Variants in RIC8B observed in about 807,000 individuals in gnomAD.
RIC8B encodes the protein RIC8 guanine nucleotide exchange factor B.
Under a neutral mutation model 57.5 loss-of-function variants are expected in RIC8B, and 16 were observed. The ratio of observed to expected loss-of-function variants is 0.28; its 90% CI spans 0.19 to 0.42. The LOEUF (loss-of-function observed/expected upper bound fraction) is 0.42. Ranked by LOEUF, RIC8B falls within the 10% of genes least tolerant of loss-of-function variation. The pLI, the probability that RIC8B is intolerant of heterozygous loss-of-function variation, is 1.00. For synonymous variants in RIC8B, 216 were observed against 250.8 expected, an observed-to-expected ratio of 0.86 and a Z score of 1.31; for missense variants, 481 against 677.0, an observed-to-expected ratio of 0.71 and a Z score of 3.21.
intron 4 of RIC8B, among the ~76,000 whole-genome samples, chr12:106,841,864 A>G (rs1948963753): frequency 6.6e-6 from 1 of 152,172 alleles, no homozygotes; most frequent in African/African-American, 2.4e-5. Context: ...CAACAGAACA[A>G]GGTTTTTAGG....
intron 6 of RIC8B, among the ~76,000 whole-genome samples, chr12:106,848,595 G>A (rs1949313414): frequency 1.3e-5 from 2 of 152,180 alleles, no homozygotes; most frequent in African/African-American, 4.8e-5. Context: ...TGGATTGTGG[G>A]TATATTTCAG....
intron 6 of RIC8B, among the ~76,000 whole-genome samples, chr12:106,850,849 G>C (rs1949440288): frequency 1.3e-5 from 2 of 152,050 alleles, no homozygotes; most frequent in Admixed American, 6.6e-5. Flanking sequence ...GCAACTTTTT[G>C]AGCACCAACA....
chr12:106,853,453 CTTTTTTTTTTTTTT>C (rs758876525), intron 7 of RIC8B, among the ~76,000 whole-genome samples: 19 of 38,038 alleles, frequency 5.0e-4, no homozygotes, highest in East Asian at 2.4e-3. Context: ...GCTTTATAGT[CTTTTTTTTTTTTTT>C]TTTTTTTTTT....
intron 8 of RIC8B, chr12:106,868,478 A>G (rs1950232487): frequency 2.9e-6 from 1 of 345,864 alleles, no homozygotes; most frequent in Non-Finnish European, 5.8e-6. Context: ...TGTTTTTCTA[A>G]TTTAACAGGT....
chr12:106,842,781 T>C lies in RIC8B; in HGVS notation c.1029T>C (p.His343=), dbSNP rs1566121203. The C allele has an allele frequency of 1.2e-6, 2 of 1,612,560 alleles. No individual in the cohort carries two copies. The highest frequency in any genetic ancestry group is 1.7e-6 in the Non-Finnish European group (2 of 1,178,646). Reference sequence around the variant, plus strand: ...ATGGTATGAATATGGAGGCCATTCATGTTTTACTGAATTTTATGGAGAAGA... The same window carrying C: ...ATGGTATGAATATGGAGGCCATTCACGTTTTACTGAATTTTATGGAGAAGA... ...VYNGMNMEAI[H]VLLNFMEKRI... The change falls in exon 5 of 10, where the codon CAT becomes CAC. Residue 343 remains histidine, a synonymous_variant. Transcript: ENST00000392837.
intron 2 of RIC8B, among the ~76,000 whole-genome samples, chr12:106,805,484 G>A (rs1170541559): frequency 6.6e-6 from 1 of 152,044 alleles, no homozygotes; most frequent in Non-Finnish European, 1.5e-5. Context: ...GTGACAGAGT[G>A]AGACCCTGTC....
chr12:106,845,975 C>T (rs886661751), intron 6 of RIC8B, among the ~76,000 whole-genome samples: 2 of 152,114 alleles, frequency 1.3e-5, no homozygotes, highest in African/African-American at 4.8e-5. Context: ...AATAGAGAAC[C>T]TCTTTGTTGA....
intron 2 of RIC8B, among the ~76,000 whole-genome samples, chr12:106,796,340 C>G (rs921513020): frequency 6.6e-6 from 1 of 152,076 alleles, no homozygotes; most frequent in Non-Finnish European, 1.5e-5. Context: ...GAGTTCGAGA[C>G]CAGCCTGGGC....
chr12:106,787,723 G>A (rs1297775692), intron 2 of RIC8B, among the ~76,000 whole-genome samples: 2 of 152,036 alleles, frequency 1.3e-5, no homozygotes, highest in African/African-American at 2.4e-5. Flanking sequence ...TCACTACCAC[G>A]AGAACAGTAT....
chr12:106,775,184 T>TA lies in RIC8B; in HGVS notation c.84+360dup, dbSNP rs577702780. ...GAGAGGCTTCCTCACCTGTATAGCATAAAAATACGTGCTTCCCTGCATAAA... is the reference window on the plus strand; with the variant it reads ...GAGAGGCTTCCTCACCTGTATAGCATAAAAAATACGTGCTTCCCTGCATAAA... On this transcript the variant is annotated intron_variant, in intron 1 of 9. Transcript: ENST00000392837. 1.6e-3 allele frequency: 678 copies of TA among 414,424 alleles called. 4 individuals are homozygous for TA. The highest frequency in any genetic ancestry group is 1.3e-3 in the Non-Finnish European group (285 of 211,996). The allele number at this position is 414,424 out of a possible 1,614,324, so 25.7% of individuals were successfully genotyped here.
intron 3 of RIC8B, among the ~76,000 whole-genome samples, chr12:106,820,867 T>C (rs2045808678): frequency 6.6e-6 from 1 of 152,194 alleles, no homozygotes; most frequent in Non-Finnish European, 1.5e-5. Flanking sequence ...TTCCTGAGTT[T>C]TTTTCTCCAT....
At chr12:106,787,780 C>T (rs891374125) in intron 2 of RIC8B, among the ~76,000 whole-genome samples, 1 of 152,162 alleles carries the variant, frequency 6.6e-6, no homozygotes, top group African/African-American at 2.4e-5. Context: ...CATGCTCCTC[C>T]CACAGTGCGT....
At chr12:106,780,682 A>G (rs967825986) in intron 1 of RIC8B, among the ~76,000 whole-genome samples, 3 of 152,208 alleles carry the variant, frequency 2.0e-5, no homozygotes, top group African/African-American at 7.2e-5. Context: ...TTTTAGTTGT[A>G]GAAGCAATCT....
chr12:106,837,644 T>TTG lies in RIC8B; in HGVS notation c.837-4944_837-4943insGT. On this transcript the variant is annotated intron_variant, in intron 4 of 9. Transcript: ENST00000392837. ...TTTACATCTGAAAATCTTTTGTTTT[T>TTG]TTTTTTTTTTTTTTTGACAGAGAGT... Among the ~76,000 whole-genome samples the TTG allele has an allele frequency of 2.7e-5, 4 of 147,522 alleles. No homozygotes were observed. In the South Asian group the frequency reaches 8.8e-4, roughly 32 times the overall value.
At position 106,851,543 on chromosome 12, in the gene RIC8B, G is replaced by C; in HGVS notation, c.1255G>C (p.Gly419Arg). 1 of 1,613,256 alleles carries C rather than the reference G, an allele frequency of 6.2e-7. No homozygotes were observed. Among genetic ancestry groups the C allele is most frequent in the Non-Finnish European group, 8.5e-7 (1 of 1,179,872 alleles). Residue 419 changes from glycine (G) to arginine (R), a missense_variant, in exon 7 of 10, where the codon GGA becomes CGA. Gly to Arg is a moderately radical substitution (Grantham distance 125, BLOSUM62 -2). Around this residue, in one of 3 missense-constraint regions of RIC8B, gnomAD observed 421 missense variants for 560.9 expected, o/e 0.75. Coordinates refer to ENST00000392837, the MANE Select transcript of RIC8B (RefSeq NM_001330145.2). Reference sequence around the variant, plus strand: ...GCGCCTCATGACACATGTTGACCTTGGAGTCAAGCAAATTGCTGCTGAATT... The same window carrying C: ...GCGCCTCATGACACATGTTGACCTTCGAGTCAAGCAAATTGCTGCTGAATT... ...LVRLMTHVDL[G>R]VKQIAAEFLF...
At chr12:106,808,040 G>A (rs535893074) in intron 2 of RIC8B, among the ~76,000 whole-genome samples, 3 of 147,056 alleles carry the variant, frequency 2.0e-5, no homozygotes, top group East Asian at 2.0e-4. Context: ...AGCTGAGATC[G>A]CACCACTGTA....
At chr12:106,859,477 A>G (rs190302428) in intron 7 of RIC8B, among the ~76,000 whole-genome samples, 23 of 152,188 alleles carry the variant, frequency 1.5e-4, no homozygotes, top group African/African-American at 4.8e-4. Flanking sequence ...TAATTCTAAA[A>G]TGATCATTTT....
intron 6 of RIC8B, among the ~76,000 whole-genome samples, chr12:106,847,038 A>G (rs1343829388): frequency 6.6e-6 from 1 of 152,176 alleles, no homozygotes; most frequent in Non-Finnish European, 1.5e-5. Context: ...TGTAGTAAAT[A>G]CCTGGTTAAA....
chr12:106,834,524 C>G (rs1019293597), intron 4 of RIC8B, among the ~76,000 whole-genome samples: 3 of 152,224 alleles, frequency 2.0e-5, no homozygotes, highest in Non-Finnish European at 4.4e-5. Flanking sequence ...TAACTCTTCT[C>G]TCAATTTTAA....
Sources: allele counts gnomAD v4.1 joint callset (sites outside exome capture counted in the v4.1 genomes callset), GRCh38; gene constraint gnomAD v4.1.1; regional missense constraint gnomAD v4.1.1; transcripts MANE v1.5; gene names NCBI Gene and HGNC (gene_info 2026-07-23, HGNC 2026-07-21).